The following ANO2 variants were observed in gnomAD, a reference collection of about 807,000 sequenced individuals.
ANO2 encodes the protein anoctamin 2, also known as anoctamin-2.
ANO2 carries 101 observed loss-of-function variants against 124.2 expected under a neutral mutation model. The observed-to-expected ratio is 0.81, with a 90% CI of 0.69 to 0.96. The LOEUF (loss-of-function observed/expected upper bound fraction) is 0.96, where lower values mean the gene tolerates loss of function less well. Among genes scored for constraint, ANO2 ranks in the 40% least tolerant of loss-of-function variants. ANO2 has a pLI of 0.00. For synonymous variants in ANO2, 486 were observed against 482.5 expected (o/e 1.01, Z -0.09); for missense variants, 1,293 against 1,274.5 (o/e 1.01, Z -0.22).
chr12:5,729,917 T>C (rs1308887683), intron 14 of ANO2, among the ~76,000 whole-genome samples: 2 of 152,244 alleles, frequency 1.3e-5, no homozygotes, highest in Non-Finnish European at 2.9e-5. Context: ...CCGCATATTC[T>C]ATAATACCAT....
At chr12:5,923,271 C>CACAT (rs1167862483) in intron 1 of ANO2, among the ~76,000 whole-genome samples, 13 of 144,310 alleles carry the variant, frequency 9.0e-5, no homozygotes, top group Non-Finnish European at 1.6e-4. Context: ...CACACACACA[C>CACAT]ACACACACGC....
At chr12:5,652,619 T>C (rs570898650) in intron 14 of ANO2, among the ~76,000 whole-genome samples, 4 of 152,318 alleles carry the variant, frequency 2.6e-5, no homozygotes, top group Non-Finnish European at 5.9e-5. Flanking sequence ...GTGACTTTGT[T>C]AGTTTTGAGG....
intron 14 of ANO2, among the ~76,000 whole-genome samples, chr12:5,667,394 C>T (rs10849315): frequency 0.43 from 65,260 of 151,300 alleles, 15,349 homozygotes; most frequent in Middle Eastern, 0.59. Flanking sequence ...GTGGTCATTC[C>T]TAATCTGGTA....
intron 16 of ANO2, among the ~76,000 whole-genome samples, chr12:5,621,789 C>T (rs773953638): frequency 3.3e-4 from 50 of 149,774 alleles, no homozygotes; most frequent in Middle Eastern, 3.4e-3. Context: ...GGGAAACAGG[C>T]AGACACCGTG....
intron 14 of ANO2, among the ~76,000 whole-genome samples, chr12:5,670,930 G>A (rs1316035381): frequency 6.6e-5 from 10 of 152,114 alleles, no homozygotes; most frequent in South Asian, 2.1e-4. Context: ...GGCTCAAAGC[G>A]ACAGAAGCCT....
At chr12:5,576,120 G>T (rs1047039626) in intron 22 of ANO2, 105 bp from the exon 23 acceptor site, 1 of 1,177,206 alleles carries the variant, frequency 8.5e-7, no homozygotes, top group Admixed American at 3.1e-5. Context: ...TGATACAGAA[G>T]CTCATGCAGC....
chr12:5,770,192 C>T (rs987277871), intron 10 of ANO2, among the ~76,000 whole-genome samples: 1 of 152,126 alleles, frequency 6.6e-6, no homozygotes, highest in Non-Finnish European at 1.5e-5. Flanking sequence ...GAAATAGATT[C>T]CCAATGACCC....
At chr12:5,711,579 G>A (rs1949821684) in intron 14 of ANO2, among the ~76,000 whole-genome samples, 6 of 152,134 alleles carry the variant, frequency 3.9e-5, no homozygotes, top group Admixed American at 3.9e-4. Context: ...TCTCATATAC[G>A]TAAGACACTT....
chr12:5,684,856 G>A (rs907390845), intron 14 of ANO2, among the ~76,000 whole-genome samples: 1 of 152,208 alleles, frequency 6.6e-6, no homozygotes, highest in Non-Finnish European at 1.5e-5. Flanking sequence ...CACAGCACAG[G>A]TGCTGGAGTC....
intron 24 of ANO2, chr12:5,564,490 CT>C: frequency 6.6e-6 from 1 of 152,652 alleles, no homozygotes; most frequent in Non-Finnish European, 1.5e-5. Context: ...GCTCACATGC[CT>C]TTTCCCCTCT....
intron 20 of ANO2, among the ~76,000 whole-genome samples, chr12:5,582,975 C>T (rs749012107): frequency 4.6e-5 from 7 of 152,162 alleles, no homozygotes; most frequent in African/African-American, 9.7e-5. Context: ...TGCCTTGACA[C>T]GCCTCTCTGT....
chr12:5,774,233 T>C (rs941577296), intron 10 of ANO2, among the ~76,000 whole-genome samples: 6 of 152,134 alleles, frequency 3.9e-5, no homozygotes, highest in African/African-American at 1.2e-4. Context: ...GGTGGGCGGA[T>C]TGCTTGAGCC....
At chr12:5,656,926 T>C (rs1371639292) in intron 14 of ANO2, among the ~76,000 whole-genome samples, 17 of 152,196 alleles carry the variant, frequency 1.1e-4, no homozygotes, top group Admixed American at 1.1e-3. Context: ...CTGCCTTGAT[T>C]TCCCAGGACA....
At chr12:5,736,007 G>A (rs1483777524) in intron 13 of ANO2, among the ~76,000 whole-genome samples, 1 of 152,222 alleles carries the variant, frequency 6.6e-6, no homozygotes, top group Non-Finnish European at 1.5e-5. Context: ...GAAGGTAATG[G>A]GCAAGAGTGG....
rs372557222 is a variant in ANO2, at chr12:5,799,419, A to G, written c.1055+88T>C. ...AAAAGAAGATCCCTCCACTTGAGCA[A>G]AGGACTGTCAGAGTCAAAAGGTTTA... On this transcript the variant is annotated intron_variant, in intron 10 of 24. Coordinates refer to ENST00000682330, the MANE Select transcript of ANO2 (RefSeq NM_001364791.2). The G allele has an allele frequency of 1.3e-5, 15 of 1,133,024 alleles. No homozygotes were observed. The South Asian group carries it at 1.6e-4, about 12-fold the overall frequency. 70.2% of individuals were successfully genotyped at this position (1,133,024 alleles called of 1,614,324 possible).
At chr12:5,747,764 A>G (rs780932848) in intron 11 of ANO2, among the ~76,000 whole-genome samples, 2 of 152,230 alleles carry the variant, frequency 1.3e-5, no homozygotes, top group Non-Finnish European at 2.9e-5. Flanking sequence ...ATTGCATTCT[A>G]GCTTATCTTA....
At chr12:5,793,888 T>C (rs1035227297) in intron 10 of ANO2, among the ~76,000 whole-genome samples, 4 of 152,068 alleles carry the variant, frequency 2.6e-5, no homozygotes, top group African/African-American at 9.7e-5. Flanking sequence ...CAGCCTTCCC[T>C]CCGAAAGGGT....
chr12:5,752,164 A>G (rs537342089), intron 10 of ANO2, among the ~76,000 whole-genome samples: 1 of 152,238 alleles, frequency 6.6e-6, no homozygotes, highest in East Asian at 1.9e-4. Flanking sequence ...AATTGTGAAT[A>G]ATGCTGCTAT....
intron 10 of ANO2, among the ~76,000 whole-genome samples, chr12:5,758,088 TA>T (rs764328651): frequency 1.3e-5 from 2 of 152,064 alleles, no homozygotes; most frequent in Non-Finnish European, 2.9e-5. Flanking sequence ...TCGAAAGCCT[TA>T]AACGGAAGAA....
Sources: gnomAD v4.1 joint callset for allele counts (sites outside exome capture counted in the v4.1 genomes callset) on GRCh38, gnomAD v4.1.1 for gene constraint, MANE v1.5 for transcripts, NCBI Gene and HGNC (gene_info 2026-07-23, HGNC 2026-07-21) for gene names.